The following SLC5A11 variants were observed in gnomAD, a reference collection of about 807,000 sequenced individuals.
The protein encoded by SLC5A11 is solute carrier family 5 member 11.
Under a neutral mutation model 69.8 loss-of-function variants are expected in SLC5A11, and 48 were observed. The observed-to-expected ratio is 0.69, with a 90% CI of 0.55 to 0.87. The LOEUF (loss-of-function observed/expected upper bound fraction) is 0.87. SLC5A11 is among the 40% of genes least tolerant of loss of function. The pLI is 0.00. For synonymous variants in SLC5A11, 319 were observed against 342.4 expected (o/e 0.93, Z 0.75); for missense variants, 784 against 866.1 (o/e 0.91, Z 1.19).
chr16:24,862,013 G>C (rs533376873), intron 2 of SLC5A11: 5 of 152,272 alleles, frequency 3.3e-5, no homozygotes, highest in African/African-American at 1.2e-4. Flanking sequence ...ACGAGGAACA[G>C]GCTCTCACCA....
chr16:24,868,778 C>T (rs1352699323), intron 3 of SLC5A11, among the ~76,000 whole-genome samples: 1 of 151,466 alleles, frequency 6.6e-6, no homozygotes, highest in East Asian at 1.9e-4. Flanking sequence ...ATTCTCTCTC[C>T]TCTCTTCTCT....
intron 8 of SLC5A11, 105 bp downstream of exon 9, chr16:24,884,236 A>G: frequency 9.3e-7 from 1 of 1,074,872 alleles, no homozygotes; most frequent in South Asian, 1.6e-5. Flanking sequence ...CAAAGAGCAT[A>G]CTACTGGGGA....
intron 10 of SLC5A11, among the ~76,000 whole-genome samples, chr16:24,898,322 C>T (rs1052517906): frequency 9.2e-5 from 14 of 152,130 alleles, no homozygotes; most frequent in Admixed American, 7.9e-4. Flanking sequence ...AGCAATCCTC[C>T]CACCTCAGCC....
chr16:24,869,313 C>G (rs890336595), intron 3 of SLC5A11, among the ~76,000 whole-genome samples: 2 of 152,130 alleles, frequency 1.3e-5, no homozygotes, highest in Admixed American at 6.6e-5. Flanking sequence ...TCCAAGGGAC[C>G]CGCAGAGACG....
At chr16:24,904,338 T>C (rs950022751) in intron 10 of SLC5A11, among the ~76,000 whole-genome samples, 2 of 152,222 alleles carry the variant, frequency 1.3e-5, no homozygotes, top group Non-Finnish European at 2.9e-5. Flanking sequence ...TAGTTTTCCA[T>C]ACTAGCTGTA....
chr16:24,893,909 G>A (rs2048979012), intron 9 of SLC5A11, among the ~76,000 whole-genome samples: 1 of 152,120 alleles, frequency 6.6e-6, no homozygotes, highest in Non-Finnish European at 1.5e-5. Context: ...CTCTGATCCA[G>A]TTTCCACTAT....
intron 1 of SLC5A11, among the ~76,000 whole-genome samples, chr16:24,848,795 T>A (rs1353655322): frequency 6.6e-6 from 1 of 151,652 alleles, no homozygotes; most frequent in Non-Finnish European, 1.5e-5. Flanking sequence ...ATTAAGTAAA[T>A]TAAAACAAAA....
intron 8 of SLC5A11, among the ~76,000 whole-genome samples, chr16:24,886,365 G>T (rs1259562687): frequency 6.8e-6 from 1 of 147,476 alleles, no homozygotes; most frequent in South Asian, 2.1e-4. Flanking sequence ...AAAATGCAGA[G>T]AAAAGGGATA....
intron 10 of SLC5A11, among the ~76,000 whole-genome samples, chr16:24,902,039 G>A (rs927548893): frequency 6.6e-6 from 1 of 152,106 alleles, no homozygotes; most frequent in African/African-American, 2.4e-5. Flanking sequence ...TTGAGCCTGG[G>A]AGGTCGAGGC....
intron 9 of SLC5A11, among the ~76,000 whole-genome samples, chr16:24,896,942 CTTTTTTTTTTTTTT>C (rs869210839): frequency 1.1e-4 from 11 of 97,104 alleles, no homozygotes; most frequent in African/African-American, 4.5e-4. Context: ...AACCTCCTTC[CTTTTTTTTTTTTTT>C]TTTTTTTTTT....
intron 8 of SLC5A11, 23 bp downstream of exon 9, chr16:24,884,154 T>C (rs373709462): frequency 3.7e-6 from 6 of 1,610,422 alleles, no homozygotes; most frequent in Non-Finnish European, 5.1e-6. Context: ...CCCGGGTCAC[T>C]GGGGCGGACA....
chr16:24,889,543 A>ATTTTTTTTTTT (rs71156454), intron 8 of SLC5A11, among the ~76,000 whole-genome samples: 5 of 74,344 alleles, frequency 6.7e-5, no homozygotes, highest in African/African-American at 2.8e-4. Context: ...AGGTCTTACA[A>ATTTTTTTTTTT]TTTTTTTTTT....
chr16:24,888,789 T>TA (rs2152359035), intron 8 of SLC5A11, among the ~76,000 whole-genome samples: 1 of 113,202 alleles, frequency 8.8e-6, no homozygotes, highest in East Asian at 2.4e-4. Flanking sequence ...TGTCCTTTTT[T>TA]TTTTTTTTTT....
chr16:24,871,648 A>T (rs982591769), intron 4 of SLC5A11, among the ~76,000 whole-genome samples: 1 of 152,138 alleles, frequency 6.6e-6, no homozygotes, highest in Non-Finnish European at 1.5e-5. Context: ...TAGAACCATT[A>T]TGAGGGTCAA....
At chr16:24,907,167 T>C (rs776018205) in exon 12 of SLC5A11, 1 of 1,614,044 alleles carries the variant, frequency 6.2e-7, no homozygotes, top group Non-Finnish European at 8.5e-7. Flanking sequence ...AGCTCATGAT[T>C]GTGGGCAGGT....
exon 15 of SLC5A11, chr16:24,910,336 G>C: frequency 6.2e-7 from 1 of 1,613,924 alleles, no homozygotes; most frequent in Non-Finnish European, 8.5e-7. Context: ...TACTCGTCAC[G>C]ACCCCGTGGT....
At chr16:24,857,761 CA>C (rs1339109268) in intron 1 of SLC5A11, among the ~76,000 whole-genome samples, 1 of 152,184 alleles carries the variant, frequency 6.6e-6, no homozygotes, top group Non-Finnish European at 1.5e-5. Flanking sequence ...AGGCATCTCC[CA>C]ATTTTAAGTG....
chr16:24,905,688 T>G (rs1028172408), intron 10 of SLC5A11, among the ~76,000 whole-genome samples: 1 of 143,968 alleles, frequency 6.9e-6, no homozygotes, highest in African/African-American at 2.6e-5. Context: ...ACACACAGAG[T>G]TTAGAAATGC....
chr16:24,877,476 T>G, intron 7 of SLC5A11, 113 bp downstream of exon 8: 3 of 721,230 alleles, frequency 4.2e-6, no homozygotes, highest in Non-Finnish European at 7.1e-6. Flanking sequence ...ACCCATTTAT[T>G]CATTAAACGT....
Sources: gnomAD v4.1 joint callset for allele counts (sites outside exome capture counted in the v4.1 genomes callset) on GRCh38, gnomAD v4.1.1 for gene constraint, MANE v1.5 for transcripts, NCBI Gene and HGNC (gene_info 2026-07-23, HGNC 2026-07-21) for gene names.